The following GRIN2B variants were observed in gnomAD, a reference collection of about 807,000 sequenced individuals.
The protein encoded by GRIN2B is glutamate receptor ionotropic, NMDA 2B.
A neutral mutation model predicts 114.5 loss-of-function variants in GRIN2B; 5 were observed. The observed-to-expected ratio is 0.04, with a 90% CI of 0.02 to 0.09. The LOEUF (loss-of-function observed/expected upper bound fraction) is 0.09. Among genes scored for constraint, GRIN2B ranks in the 10% least tolerant of loss-of-function variants. The pLI, the probability that GRIN2B is intolerant of heterozygous loss-of-function variation, is 1.00. For missense variants in GRIN2B, 1,108 were observed against 1,943.5 expected (o/e 0.57, Z 8.08); for synonymous variants, 787 against 745.1 (o/e 1.06, Z -0.92).
At chr12:13,618,780 T>C (rs953336346) in intron 5 of GRIN2B, among the ~76,000 whole-genome samples, 5 of 152,198 alleles carry the variant, frequency 3.3e-5, no homozygotes, top group African/African-American at 1.2e-4. Flanking sequence ...AAGGAAGTTG[T>C]TGGTATTAAG....
intron 2 of GRIN2B, among the ~76,000 whole-genome samples, chr12:13,888,790 GAT>G (rs1491160155): frequency 3.3e-5 from 2 of 60,604 alleles, no homozygotes; most frequent in Non-Finnish European, 1.0e-4. Context: ...CGGTATAAAA[GAT>G]AAAAAAAAAA....
At chr12:13,886,510 T>C (rs532270066) in intron 2 of GRIN2B, among the ~76,000 whole-genome samples, 8 of 152,186 alleles carry the variant, frequency 5.3e-5, no homozygotes, top group African/African-American at 1.9e-4. Context: ...TTTGGGGTGA[T>C]GGATTTTGAA....
At chr12:13,693,246 G>A (rs925738412) in intron 4 of GRIN2B, among the ~76,000 whole-genome samples, 2 of 151,978 alleles carry the variant, frequency 1.3e-5, no homozygotes, top group East Asian at 3.9e-4. Context: ...ACATCATTTC[G>A]CTTAAGGTTG....
At chr12:13,699,301 C>T (rs1177861000) in intron 4 of GRIN2B, among the ~76,000 whole-genome samples, 1 of 152,154 alleles carries the variant, frequency 6.6e-6, no homozygotes, top group Non-Finnish European at 1.5e-5. Flanking sequence ...GACATATACA[C>T]TTTCTGGAAC....
At chr12:13,965,580 C>CAT (rs60900037) in intron 2 of GRIN2B, among the ~76,000 whole-genome samples, 2 of 151,300 alleles carry the variant, frequency 1.3e-5, no homozygotes, top group African/African-American at 2.4e-5. Context: ...CACACACACA[C>CAT]GTGTGTGTGA....
chr12:13,817,164 A>G (rs1231086066), intron 3 of GRIN2B, among the ~76,000 whole-genome samples: 1 of 152,180 alleles, frequency 6.6e-6, no homozygotes, highest in African/African-American at 2.4e-5. Flanking sequence ...GTTTTCTAGA[A>G]TCAGAAAAGT....
At chr12:13,665,171 G>GTT (rs935807490) in intron 5 of GRIN2B, among the ~76,000 whole-genome samples, 20 of 21,010 alleles carry the variant, frequency 9.5e-4, no homozygotes, top group Admixed American at 1.7e-3. Flanking sequence ...GTGTGTTTGT[G>GTT]TGTGTGTGTG....
rs1413848331 is a variant in GRIN2B at position 13,563,237 on chromosome 12, C to T, written c.4001G>A (p.Ser1334Asn). 5.6e-6 allele frequency: 9 copies of T among 1,614,214 alleles called. No individual in the cohort carries two copies. The highest frequency in any genetic ancestry group is 7.6e-6 in the Non-Finnish European group (9 of 1,180,038). Reference protein sequence around the residue: ...LKDKGRFMDGSPYAHMFEMSA... With the variant: ...LKDKGRFMDGNPYAHMFEMSA... Reference sequence around the variant, plus strand: ...CATCTCAAACATGTGGGCGTAGGGGCTCCCATCCATGAATCGGCCCTTGTC... The same window carrying T: ...CATCTCAAACATGTGGGCGTAGGGGTTCCCATCCATGAATCGGCCCTTGTC... The change falls in exon 14 of 14, where the codon AGC (serine) becomes AAC (asparagine). Residue 1334 changes from serine (S) to asparagine (N), a missense_variant. Physicochemically the swap from Ser to Asn is conservative, Grantham distance 46. This residue lies in a region of GRIN2B where 478 missense variants were observed against 506.0 expected (regional missense o/e 0.94). Coordinates refer to ENST00000609686, the MANE Select transcript of GRIN2B (RefSeq NM_000834.5).
At chr12:13,741,030 AAC>A in intron 4 of GRIN2B, among the ~76,000 whole-genome samples, 1 of 151,936 alleles carries the variant, frequency 6.6e-6, no homozygotes, top group Non-Finnish European at 1.5e-5. Flanking sequence ...CAAGAAAGTA[AAC>A]TATTTATTTA....
At chr12:13,576,311 T>C (rs1948775614) in intron 10 of GRIN2B, among the ~76,000 whole-genome samples, 1 of 152,170 alleles carries the variant, frequency 6.6e-6, no homozygotes, top group Non-Finnish European at 1.5e-5. Flanking sequence ...TACCCCAAGC[T>C]GTAAGACATT....
intron 12 of GRIN2B, among the ~76,000 whole-genome samples, chr12:13,567,464 G>A (rs1487379494): frequency 6.6e-6 from 1 of 152,198 alleles, no homozygotes; most frequent in Non-Finnish European, 1.5e-5. Context: ...AACGTACTTA[G>A]TAAGCATTCA....
intron 2 of GRIN2B, among the ~76,000 whole-genome samples, chr12:13,949,395 C>T (rs1345830663): frequency 2.0e-5 from 3 of 152,178 alleles, no homozygotes; most frequent in Admixed American, 6.5e-5. Context: ...TTTCCTCTCC[C>T]TCTTCCTGCC....
Position 13,563,938 on chromosome 12 carries a change from C to T in GRIN2B, c.3300G>A (p.Arg1100=), listed in dbSNP as rs200509787. ...AGGCCAGCTCGATCTCGTCAAACTCCCTGCGGGACTTGGCCGAGGCAGGCC... is the reference window on the plus strand; with the variant it reads ...AGGCCAGCTCGATCTCGTCAAACTCTCTGCGGGACTTGGCCGAGGCAGGCC... ...KKRPASAKSR[R]EFDEIELAYR... Residue 1100 remains arginine (R), a synonymous_variant, in exon 14 of 14, where the codon AGG becomes AGA. Transcript: ENST00000609686. 2.2e-5 allele frequency: 35 copies of T among 1,614,080 alleles called. No individual in the cohort carries two copies. Among genetic ancestry groups the T allele is most frequent in the Non-Finnish European group, 3.0e-5 (35 of 1,180,046 alleles).
At chr12:13,606,471 G>C (rs1949249053) in intron 10 of GRIN2B, among the ~76,000 whole-genome samples, 1 of 152,100 alleles carries the variant, frequency 6.6e-6, no homozygotes, top group Non-Finnish European at 1.5e-5. Flanking sequence ...CCCTCCCAAG[G>C]GAGCCACTAA....
At chr12:13,695,484 C>T (rs1327139590) in intron 4 of GRIN2B, among the ~76,000 whole-genome samples, 1 of 151,996 alleles carries the variant, frequency 6.6e-6, no homozygotes, top group Non-Finnish European at 1.5e-5. Flanking sequence ...TCTGAAAGAG[C>T]GAGTAGTCTA....
intron 2 of GRIN2B, among the ~76,000 whole-genome samples, chr12:13,914,888 G>A (rs557379314): frequency 4.6e-5 from 7 of 152,248 alleles, no homozygotes; most frequent in Admixed American, 1.3e-4. Context: ...CTTGAAAATA[G>A]AGAATTATCT....
intron 4 of GRIN2B, among the ~76,000 whole-genome samples, chr12:13,751,154 G>C (rs1219430528): frequency 6.6e-6 from 1 of 152,148 alleles, no homozygotes; most frequent in Non-Finnish European, 1.5e-5. Context: ...GAAGAACTAA[G>C]CTCAGTGTTG....
intron 5 of GRIN2B, among the ~76,000 whole-genome samples, chr12:13,634,829 C>T (rs983852963): frequency 2.0e-5 from 3 of 152,148 alleles, no homozygotes; most frequent in African/African-American, 7.2e-5. Flanking sequence ...TTCTGAAGAT[C>T]CTGCTATAGT....
intron 5 of GRIN2B, among the ~76,000 whole-genome samples, chr12:13,647,638 G>A (rs1185943786): frequency 3.3e-5 from 5 of 152,062 alleles, no homozygotes; most frequent in Admixed American, 6.6e-5. Context: ...ACCCCTGAAA[G>A]AGCGGAGAGG....
Sources: allele counts gnomAD v4.1 joint callset (sites outside exome capture counted in the v4.1 genomes callset), GRCh38; gene constraint gnomAD v4.1.1; regional missense constraint gnomAD v4.1.1; transcripts MANE v1.5; gene names NCBI Gene and HGNC (gene_info 2026-07-23, HGNC 2026-07-21).